Variants in ALMS1 observed in about 807,000 individuals in gnomAD.
The protein encoded by ALMS1 is ALMS1 centrosome and basal body associated protein, also known as centrosome-associated protein ALMS1.
Under a neutral mutation model 352.2 loss-of-function variants are expected in ALMS1, and 271 were observed. The observed-to-expected ratio is 0.77, with a 90% CI of 0.70 to 0.85. The LOEUF is 0.85. Among genes scored for constraint, ALMS1 ranks in the 40% least tolerant of loss-of-function variants. The pLI is 0.00. For missense variants in ALMS1, 5,445 were observed against 4,870.7 expected (o/e 1.12, Z -3.51); for synonymous variants, 1,865 against 1,761.2 (o/e 1.06, Z -1.48).
chr2:73,491,539 G>C, intron 10 of ALMS1, 41 bp downstream of exon 10: 2 of 1,599,044 alleles, frequency 1.3e-6, no homozygotes, highest in Non-Finnish European at 8.6e-7. Flanking sequence ...GATGGACTTT[G>C]TAATAAAGGG....
At chr2:73,496,442 C>T (rs543958782) in intron 10 of ALMS1, among the ~76,000 whole-genome samples, 1 of 152,190 alleles carries the variant, frequency 6.6e-6, no homozygotes, top group South Asian at 2.1e-4. Flanking sequence ...TTATTAAATG[C>T]AGTAATATTT....
At chr2:73,466,904 T>C (rs1055084427) in intron 9 of ALMS1, among the ~76,000 whole-genome samples, 2 of 152,114 alleles carry the variant, frequency 1.3e-5, no homozygotes, top group Non-Finnish European at 2.9e-5. Context: ...CCAAGTTTCT[T>C]AAGTGTTTGG....
intron 16 of ALMS1, among the ~76,000 whole-genome samples, chr2:73,590,822 GT>G (rs773130901): frequency 1.5e-4 from 23 of 151,754 alleles, no homozygotes; most frequent in Non-Finnish European, 1.5e-5. Flanking sequence ...GGGATTACAG[GT>G]GCGCACCACC....
intron 13 of ALMS1, among the ~76,000 whole-genome samples, chr2:73,554,753 G>A (rs1260424846): frequency 1.3e-5 from 2 of 152,092 alleles, no homozygotes; most frequent in Admixed American, 1.3e-4. Flanking sequence ...AGGGGAGCGT[G>A]TAAGTTTCTA....
chr2:73,474,204 T>C (rs1442582929), intron 9 of ALMS1, among the ~76,000 whole-genome samples: 3 of 152,130 alleles, frequency 2.0e-5, no homozygotes, highest in Admixed American at 6.6e-5. Flanking sequence ...TACAAAGTTA[T>C]TCCTGCCGTA....
In ALMS1 at chr2:73,452,465, A is replaced by T; in HGVS notation, c.5938A>T (p.Ile1980Leu). 6.2e-7 allele frequency: 1 copy of T among 1,614,082 alleles called. No homozygotes were observed. Among genetic ancestry groups the T allele is most frequent in the Non-Finnish European group, 8.5e-7 (1 of 1,179,996 alleles). The change falls in exon 8 of 23, where the codon ATA becomes TTA. Residue 1980 changes from isoleucine to leucine, a missense_variant. By Grantham distance (5) the Ile-to-Leu change is conservative. Coordinates refer to ENST00000613296, the MANE Select transcript of ALMS1 (RefSeq NM_001378454.1). ...VSIPAEQKTGIPIGLSSSYSH... is the reference protein window; with the variant it reads ...VSIPAEQKTGLPIGLSSSYSH... ...TATACCAGCAGAGCAGAAGACTGGG[A>T]TACCAATAGGACTGTCTAGTTCCTA...
intron 12 of ALMS1, among the ~76,000 whole-genome samples, chr2:73,545,479 T>A (rs1176332773): frequency 6.6e-6 from 1 of 152,154 alleles, no homozygotes; most frequent in Non-Finnish European, 1.5e-5. Flanking sequence ...CCGCACGTGG[T>A]CATGGTTACA....
At chr2:73,470,281 T>C (rs1201981184) in intron 9 of ALMS1, 2 of 151,742 alleles carry the variant, frequency 1.3e-5, no homozygotes, top group African/African-American at 4.8e-5. Context: ...TAAAGTTGAG[T>C]TGCTTATTTG....
In ALMS1 at chr2:73,450,291, A is replaced by C; in HGVS notation, c.3764A>C (p.Asp1255Ala). ...PGIFYQQVLPDNHPTEEALKI... is the reference protein window; with the variant it reads ...PGIFYQQVLPANHPTEEALKI... ...ATTTTCTACCAACAGGTCTTGCCAG[A>C]TAATCATCCAACTGAAGAGGCTCTG... Residue 1255 changes from aspartate to alanine, a missense_variant, in exon 8 of 23, where the codon GAT (aspartate) becomes GCT (alanine). By Grantham distance (126) the Asp-to-Ala change is moderately radical. Transcript: ENST00000613296. 1.2e-6 allele frequency: 2 copies of C among 1,613,904 alleles called. No homozygotes were observed. Among genetic ancestry groups the C allele is most frequent in the Non-Finnish European group, 1.7e-6 (2 of 1,179,960 alleles).
chr2:73,445,009 C>G (rs1671779586), intron 7 of ALMS1, among the ~76,000 whole-genome samples: 1 of 143,970 alleles, frequency 6.9e-6, no homozygotes, highest in Admixed American at 7.3e-5. Context: ...TAAAATATCA[C>G]TGGTGTCTTT....
chr2:73,428,657 T>C (rs1404588173), intron 6 of ALMS1, among the ~76,000 whole-genome samples: 4 of 152,238 alleles, frequency 2.6e-5, no homozygotes, highest in Non-Finnish European at 5.9e-5. Flanking sequence ...TCCTTAAATA[T>C]AGCCTGAAGT....
chr2:73,499,740 A>C (rs1025890952), intron 10 of ALMS1, among the ~76,000 whole-genome samples: 1 of 152,222 alleles, frequency 6.6e-6, no homozygotes, highest in Admixed American at 6.5e-5. Context: ...GTGGGACCTA[A>C]AGAGAGATGT....
At chr2:73,511,361 T>G (rs1164624469) in intron 10 of ALMS1, among the ~76,000 whole-genome samples, 1 of 151,610 alleles carries the variant, frequency 6.6e-6, no homozygotes, top group Non-Finnish European at 1.5e-5. Flanking sequence ...TCGAAGACTG[T>G]GGGAAAAGCC....
intron 1 of ALMS1, among the ~76,000 whole-genome samples, chr2:73,404,436 G>A (rs11899902): frequency 0.34 from 50,865 of 151,420 alleles, 11,500 homozygotes; most frequent in African/African-American, 0.65. Context: ...TTATTATGTT[G>A]AGGTAGTTTT....
chr2:73,519,687 A>G, intron 10 of ALMS1, 88 bp from the exon 11 acceptor site: 1 of 1,561,558 alleles, frequency 6.4e-7, no homozygotes, highest in South Asian at 1.1e-5. Flanking sequence ...AGCTACTTAA[A>G]TATTCCTTGA....
intron 10 of ALMS1, among the ~76,000 whole-genome samples, chr2:73,499,099 C>T (rs1307163202): frequency 6.6e-6 from 1 of 152,126 alleles, no homozygotes; most frequent in Non-Finnish European, 1.5e-5. Context: ...ACGTCTTCAC[C>T]AGCATTTGTT....
chr2:73,449,965 A>G lies in ALMS1; in HGVS notation c.3438A>G (p.Gln1146=). 6.2e-7 allele frequency: 1 copy of G among 1,613,898 alleles called. No homozygotes were observed. Among genetic ancestry groups the G allele is most frequent in the African/African-American group, 1.3e-5 (1 of 74,936 alleles). The stretch of plus-strand genomic sequence containing the variant: ...CTGTAACCTCAACTTCCTACTCACA[A>G]CATAGAGAAAAGCCCAGCATTTTCC... The part of the protein sequence containing the change: ...TPTVTSTSYS[Q]HREKPSIFHQ... Residue 1146 remains glutamine, a synonymous_variant, in exon 8 of 23, where the codon CAA becomes CAG. Coordinates refer to ENST00000613296, the MANE Select transcript of ALMS1 (RefSeq NM_001378454.1).
intron 16 of ALMS1, among the ~76,000 whole-genome samples, chr2:73,591,364 G>C (rs1675429379): frequency 6.6e-6 from 1 of 152,060 alleles, no homozygotes; most frequent in South Asian, 2.1e-4. Flanking sequence ...CCAAATGGTA[G>C]CTAGTTGCCA....
chr2:73,580,529 C>G (rs773562682), intron 16 of ALMS1, among the ~76,000 whole-genome samples: 1 of 152,178 alleles, frequency 6.6e-6, no homozygotes, highest in African/African-American at 2.4e-5. Flanking sequence ...TGATTTAAAG[C>G]TTTTGCCTAG....
Sources: allele counts gnomAD v4.1 joint callset (sites outside exome capture counted in the v4.1 genomes callset), GRCh38; gene constraint gnomAD v4.1.1; transcripts MANE v1.5; gene names NCBI Gene and HGNC (gene_info 2026-07-23, HGNC 2026-07-21).